TCF12: variants seen among roughly 807,000 people sequenced by gnomAD.
TCF12 encodes DNA-binding protein HTF4.
In TCF12, 45 loss-of-function variants were observed where a neutral mutation model predicts 86.0. The observed-to-expected ratio is 0.52, with a 90% CI of 0.41 to 0.67. TCF12 has a LOEUF of 0.67. TCF12 is among the 30% of genes least tolerant of loss of function. The pLI, the probability that TCF12 is intolerant of heterozygous loss-of-function variation, is 0.00. For missense variants in TCF12, 881 were observed against 859.9 expected, an observed-to-expected ratio of 1.02 and a Z score of -0.31; for synonymous variants, 330 against 299.6, an observed-to-expected ratio of 1.10 and a Z score of -1.05.
In TCF12 at chr15:57,087,039, C is replaced by T. The variant is rs959266902; in HGVS notation, c.223-4750C>T. ...TCTGTCTCCCTCTGTCTCTTCCCCT[C>T]TCTCTCCCTCTGTCTCCCTCTGTCT... is the stretch of plus-strand genomic sequence containing the variant. On this transcript the variant is annotated intron_variant, in intron 4 of 20. Transcript: ENST00000333725. 1.6e-4 allele frequency among the ~76,000 whole-genome samples: 24 copies of T among 150,710 alleles called. No individual in the cohort carries two copies. In the Admixed American group the frequency reaches 1.6e-3, roughly 10 times the overall value.
chr15:57,277,385 C>T (rs868863171), intron 19 of TCF12, among the ~76,000 whole-genome samples: 3 of 151,990 alleles, frequency 2.0e-5, no homozygotes, highest in Admixed American at 6.6e-5. Context: ...AATCCCAGCA[C>T]TTTGGGAGGC....
chr15:57,148,865 G>C (rs531330913), intron 5 of TCF12, among the ~76,000 whole-genome samples: 1 of 152,110 alleles, frequency 6.6e-6, no homozygotes, highest in Non-Finnish European at 1.5e-5. Context: ...AACAGAATGA[G>C]ACCTCATCTC....
chr15:57,250,312 C>T (rs1435177136), intron 13 of TCF12, among the ~76,000 whole-genome samples: 2 of 152,146 alleles, frequency 1.3e-5, no homozygotes, highest in Non-Finnish European at 1.5e-5. Flanking sequence ...TGCTACTTAT[C>T]CTCAAAACAT....
At chr15:57,144,139 T>C (rs1225039051) in intron 5 of TCF12, among the ~76,000 whole-genome samples, 4 of 152,176 alleles carry the variant, frequency 2.6e-5, no homozygotes, top group Non-Finnish European at 4.4e-5. Context: ...ATGATGTTCT[T>C]GTATGGATAG....
At chr15:57,156,622 A>G (rs753914426) in intron 5 of TCF12, among the ~76,000 whole-genome samples, 9 of 152,180 alleles carry the variant, frequency 5.9e-5, no homozygotes, top group Admixed American at 5.2e-4. Flanking sequence ...CTGCCTTCAT[A>G]TGGCTTTATG....
At chr15:57,077,102 T>C (rs1254253820) in intron 4 of TCF12, among the ~76,000 whole-genome samples, 1 of 152,180 alleles carries the variant, frequency 6.6e-6, no homozygotes, top group Non-Finnish European at 1.5e-5. Flanking sequence ...CACCTTGTTA[T>C]TCTGTTTCAG....
chr15:57,131,939 T>C (rs1460431978), intron 5 of TCF12, among the ~76,000 whole-genome samples: 1 of 152,144 alleles, frequency 6.6e-6, no homozygotes, highest in African/African-American at 2.4e-5. Context: ...AAGTGAATGG[T>C]GTATAATAAA....
At chr15:57,237,713 T>C (rs924273275) in intron 12 of TCF12, among the ~76,000 whole-genome samples, 3 of 152,210 alleles carry the variant, frequency 2.0e-5, no homozygotes, top group African/African-American at 7.2e-5. Context: ...AGGAGTTCTT[T>C]TAAGTCCAGA....
chr15:57,133,736 G>A (rs1448466314), intron 5 of TCF12, among the ~76,000 whole-genome samples: 3 of 151,930 alleles, frequency 2.0e-5, no homozygotes, highest in African/African-American at 7.3e-5. Flanking sequence ...GGGATATGAA[G>A]GAGTTTGTTT....
intron 6 of TCF12, among the ~76,000 whole-genome samples, chr15:57,186,779 C>T (rs571690585): frequency 9.9e-5 from 15 of 152,166 alleles, no homozygotes; most frequent in Non-Finnish European, 1.9e-4. Flanking sequence ...AGTTTTATTC[C>T]AGGAATGCAA....
At chr15:57,065,639 C>T (rs1014633522) in intron 4 of TCF12, among the ~76,000 whole-genome samples, 1 of 148,230 alleles carries the variant, frequency 6.7e-6, no homozygotes, top group African/African-American at 2.5e-5. Flanking sequence ...CCCCCACCAC[C>T]CCCCTTGAGT....
chr15:57,271,868 T>C (rs756847906), intron 18 of TCF12, among the ~76,000 whole-genome samples: 7 of 152,380 alleles, frequency 4.6e-5, no homozygotes, highest in Non-Finnish European at 8.8e-5. Context: ...TGTATATATT[T>C]TGTCATTTTG....
In TCF12 at chr15:57,281,434, A is replaced by G. The variant is rs78062113; in HGVS notation, c.1979-1011A>G. On this transcript the variant is annotated intron_variant, in intron 19 of 20. Transcript: ENST00000333725. ...CTATCCTTCTCCCTCGAATTGGCACATTTCCTATAGAAGAGGGGTCCCCAA... is the reference window on the plus strand; with the variant it reads ...CTATCCTTCTCCCTCGAATTGGCACGTTTCCTATAGAAGAGGGGTCCCCAA... Among the ~76,000 whole-genome samples the G allele has an allele frequency of 2.3e-3, 350 of 152,322 alleles. 3 individuals are homozygous for G. Among genetic ancestry groups the G allele is most frequent in the African/African-American group, 7.8e-3 (324 of 41,564 alleles).
At chr15:56,943,148 T>A (rs1363916323) in intron 3 of TCF12, among the ~76,000 whole-genome samples, 1 of 152,136 alleles carries the variant, frequency 6.6e-6, no homozygotes, top group Admixed American at 6.5e-5. Flanking sequence ...TAGCCTCTTA[T>A]TTTTTACACA....
chr15:57,193,633 G>A (rs910954709), intron 7 of TCF12, among the ~76,000 whole-genome samples: 3 of 152,302 alleles, frequency 2.0e-5, no homozygotes. Flanking sequence ...CTAATATATA[G>A]TCCACCAAAA....
chr15:57,049,973 T>G (rs2067500178), intron 3 of TCF12, among the ~76,000 whole-genome samples: 2 of 152,204 alleles, frequency 1.3e-5, no homozygotes. Flanking sequence ...TCAACGTGGC[T>G]TTTTAGCTGG....
chr15:56,944,724 G>A (rs950027197), intron 3 of TCF12, among the ~76,000 whole-genome samples: 7 of 152,070 alleles, frequency 4.6e-5, no homozygotes, highest in Non-Finnish European at 8.8e-5. Context: ...AAGTCAGCAA[G>A]TCACACTACA....
intron 5 of TCF12, among the ~76,000 whole-genome samples, chr15:57,092,175 C>T (rs2049032666): frequency 6.6e-6 from 1 of 152,092 alleles, no homozygotes; most frequent in African/African-American, 2.4e-5. Flanking sequence ...TACATGTTTT[C>T]TGGGGCAGAG....
chr15:57,254,179 G>A (rs577905767), intron 16 of TCF12, among the ~76,000 whole-genome samples: 2 of 152,212 alleles, frequency 1.3e-5, no homozygotes, highest in South Asian at 4.1e-4. Flanking sequence ...TGGTTTTTAA[G>A]GTTCATTGCA....
Sources: allele counts gnomAD v4.1 joint callset (sites outside exome capture counted in the v4.1 genomes callset), GRCh38; gene constraint gnomAD v4.1.1; transcripts MANE v1.5; gene names NCBI Gene and HGNC (gene_info 2026-07-23, HGNC 2026-07-21).